The following ZNF727 variants were observed in gnomAD, a reference collection of about 807,000 sequenced individuals.
The protein encoded by ZNF727 is zinc finger protein 727, also known as putative zinc finger protein 727.
Under a neutral mutation model 11.5 loss-of-function variants are expected in ZNF727, and 11 were observed. The observed-to-expected ratio is 0.95, with a 90% CI of 0.60 to 1.58. ZNF727 has a LOEUF of 1.58. ZNF727 is among the 40% of genes most tolerant of loss of function. The pLI is 0.00. For synonymous variants in ZNF727, 171 were observed against 196.1 expected, an observed-to-expected ratio of 0.87 and a Z score of 1.07; for missense variants, 533 against 581.7, an observed-to-expected ratio of 0.92 and a Z score of 0.86.
intron 1 of ZNF727, among the ~76,000 whole-genome samples, chr7:64,062,218 C>T (rs1814044): frequency 0.64 from 97,631 of 151,804 alleles, 32,074 homozygotes; most frequent in Non-Finnish European, 0.71. Context: ...GAATAGTTTA[C>T]ATACCATATT....
intron 3 of ZNF727, among the ~76,000 whole-genome samples, chr7:64,071,093 G>A (rs1486842332): frequency 1.2e-4 from 18 of 151,920 alleles, no homozygotes; most frequent in Admixed American, 1.2e-3. Flanking sequence ...GGAGGTGCAG[G>A]TATTTCTTTG....
intron 1 of ZNF727, among the ~76,000 whole-genome samples, 155 bp from the exon 2 acceptor site, chr7:64,068,736 A>G (rs1789909872): frequency 6.6e-6 from 1 of 152,178 alleles, no homozygotes; most frequent in Non-Finnish European, 1.5e-5. Flanking sequence ...AGAGTTAAAA[A>G]TACATTAGAG....
intron 1 of ZNF727, among the ~76,000 whole-genome samples, chr7:64,061,134 A>G (rs1180413047): frequency 2.6e-5 from 4 of 152,258 alleles, no homozygotes; most frequent in Non-Finnish European, 5.9e-5. Flanking sequence ...GAGGTGTAGA[A>G]TTTGTATTCT....
chr7:64,047,865 G>A (rs1383791260), intron 1 of ZNF727, among the ~76,000 whole-genome samples: 1 of 152,206 alleles, frequency 6.6e-6, no homozygotes, highest in Admixed American at 6.5e-5. Flanking sequence ...GTTTCTCTCA[G>A]GCTTGTGAAG....
At chr7:64,057,745 C>A (rs2116285475) in intron 1 of ZNF727, among the ~76,000 whole-genome samples, 1 of 151,854 alleles carries the variant, frequency 6.6e-6, no homozygotes, top group South Asian at 2.1e-4. Flanking sequence ...AAAAAAATAC[C>A]TAAAAGCAGG....
Position 64,081,566 on chromosome 7 carries a change from T to C in ZNF727, c.*3017T>C. 6.6e-6 allele frequency among the ~76,000 whole-genome samples: 1 copy of C among 152,014 alleles called. No individual in the cohort carries two copies. The highest frequency in any genetic ancestry group is 1.5e-5 in the Non-Finnish European group (1 of 67,986). On this transcript the variant is annotated 3_prime_UTR_variant, in exon 4 of 4. Coordinates refer to ENST00000456806, the MANE Select transcript of ZNF727 (RefSeq NM_001159522.3). ...GCTGGTGCAGTCACAGGGGCTGCCT[T>C]GCCGGAGCTCTTCATGGGTCAGGCA...
At chr7:64,058,921 T>G (rs1789727360) in intron 1 of ZNF727, among the ~76,000 whole-genome samples, 1 of 151,826 alleles carries the variant, frequency 6.6e-6, no homozygotes, top group Admixed American at 6.6e-5. Flanking sequence ...CATTATAGAT[T>G]AACCTATTGC....
At chr7:64,054,553 A>G (rs376820551) in intron 1 of ZNF727, among the ~76,000 whole-genome samples, 39 of 152,338 alleles carry the variant, frequency 2.6e-4, no homozygotes, top group South Asian at 1.7e-3. Flanking sequence ...GTCACAGGGA[A>G]TAACCTCAGA....
At chr7:64,058,998 G>C (rs1196382402) in intron 1 of ZNF727, among the ~76,000 whole-genome samples, 1 of 149,742 alleles carries the variant, frequency 6.7e-6, no homozygotes, top group Non-Finnish European at 1.5e-5. Flanking sequence ...AGGCTGGAGT[G>C]TAGTGGCACG....
In ZNF727 at chr7:64,064,301, C is replaced by G. The variant is rs536497951; in HGVS notation, c.4-4590C>G. On this transcript the variant is annotated intron_variant, in intron 1 of 3. Coordinates refer to ENST00000456806, the MANE Select transcript of ZNF727 (RefSeq NM_001159522.3). Reference sequence around the variant, plus strand: ...GTTACTGCTGATGTTTATTCAAGGTCGAAGGTGATGAATCCTGCCAGAACT... The same window carrying G: ...GTTACTGCTGATGTTTATTCAAGGTGGAAGGTGATGAATCCTGCCAGAACT... Among the ~76,000 whole-genome samples, 5 of 152,172 alleles carry G rather than the reference C, an allele frequency of 3.3e-5. No individual in the cohort carries two copies. The East Asian group carries it at 9.7e-4, about 29-fold the overall frequency.
At chr7:64,061,322 T>G (rs1195037324) in intron 1 of ZNF727, among the ~76,000 whole-genome samples, 1 of 152,194 alleles carries the variant, frequency 6.6e-6, no homozygotes, top group South Asian at 2.1e-4. Flanking sequence ...TCTCTTTAGC[T>G]CTAATATTTA....
At position 64,069,019 on chromosome 7, in the gene ZNF727, T is replaced by C; in HGVS notation, c.130+2T>C. On this transcript the variant is annotated splice_donor_variant, in intron 2 of 3. Coordinates refer to ENST00000456806, the MANE Select transcript of ZNF727 (RefSeq NM_001159522.3). LOFTEE classifies it high-confidence loss of function. ...ACTACGGAAACCTGTTCTCCTTGGGTGAGAATAACTTCAATATACAACTCA... is the reference window on the plus strand; with the variant it reads ...ACTACGGAAACCTGTTCTCCTTGGGCGAGAATAACTTCAATATACAACTCA... The C allele has an allele frequency of 6.3e-7, 1 of 1,591,928 alleles. No homozygotes were observed. The highest frequency in any genetic ancestry group is 1.1e-5 in the South Asian group (1 of 87,570).
intron 1 of ZNF727, among the ~76,000 whole-genome samples, chr7:64,060,979 CA>C (rs2116292848): frequency 6.6e-6 from 1 of 152,044 alleles, no homozygotes; most frequent in African/African-American, 2.4e-5. Context: ...GTATAGTTTC[CA>C]AAGTTTTTTC....
intron 1 of ZNF727, among the ~76,000 whole-genome samples, chr7:64,052,377 T>C (rs1377514653): frequency 1.5e-5 from 1 of 67,824 alleles, no homozygotes; most frequent in African/African-American, 4.7e-5. Flanking sequence ...AATTTCTCTC[T>C]CTTTTTTTTT....
intron 1 of ZNF727, among the ~76,000 whole-genome samples, chr7:64,067,040 TA>T (rs534842851): frequency 5.7e-4 from 86 of 152,140 alleles, no homozygotes; most frequent in African/African-American, 1.9e-3. Context: ...GCAAGGAACT[TA>T]AACAAATTTA....
intron 2 of ZNF727, 128 bp downstream of exon 2, chr7:64,069,145 CTGTT>C (rs1206467200): frequency 3.1e-6 from 3 of 976,096 alleles, no homozygotes; most frequent in Non-Finnish European, 4.3e-6. Flanking sequence ...AATTGGGTAT[CTGTT>C]TAGGTAGTAA....
intron 1 of ZNF727, among the ~76,000 whole-genome samples, chr7:64,045,877 C>G (rs1347187196): frequency 6.6e-6 from 1 of 152,196 alleles, no homozygotes; most frequent in African/African-American, 2.4e-5. Context: ...CTCTGTGTCG[C>G]AATCCCGAGT....
chr7:64,045,751 T>G (rs1369427486), intron 1 of ZNF727, 127 bp downstream of exon 1: 3 of 1,234,746 alleles, frequency 2.4e-6, no homozygotes, highest in East Asian at 5.1e-5. Context: ...GTGGGCACAG[T>G]TCAGTCCTCA....
intron 1 of ZNF727, among the ~76,000 whole-genome samples, chr7:64,046,480 C>A (rs1293216150): frequency 6.6e-6 from 1 of 152,144 alleles, no homozygotes; most frequent in African/African-American, 2.4e-5. Flanking sequence ...AGCACCATTC[C>A]TCTTGGTATT....
Sources: gnomAD v4.1 joint callset for allele counts (sites outside exome capture counted in the v4.1 genomes callset) on GRCh38, gnomAD v4.1.1 for gene constraint, MANE v1.5 for transcripts, NCBI Gene and HGNC (gene_info 2026-07-23, HGNC 2026-07-21) for gene names.